TFDP2: variants seen among roughly 807,000 people sequenced by gnomAD.
The protein encoded by TFDP2 is transcription factor Dp-2 (E2F dimerization partner 2).
Under a neutral mutation model 59.3 loss-of-function variants are expected in TFDP2, and 17 were observed. The ratio of observed to expected loss-of-function variants is 0.29; its 90% confidence interval spans 0.20 to 0.43. The LOEUF is 0.43. Among genes scored for constraint, TFDP2 ranks in the 20% least tolerant of loss-of-function variants. The probability of loss-of-function intolerance (pLI) is 1.00; values close to 1 mark genes in which losing one functional copy is unlikely to be tolerated. For missense variants in TFDP2, 391 were observed against 528.8 expected (o/e 0.74, Z 2.56); for synonymous variants, 180 against 194.7 (o/e 0.92, Z 0.63).
intron 1 of TFDP2, among the ~76,000 whole-genome samples, chr3:142,145,033 A>G (rs2063117498): frequency 6.6e-6 from 1 of 152,184 alleles, no homozygotes; most frequent in Non-Finnish European, 1.5e-5. Context: ...ATAGATGTAC[A>G]TTACCTTTTT....
intron 6 of TFDP2, among the ~76,000 whole-genome samples, chr3:141,985,297 G>C (rs1372421683): frequency 6.6e-6 from 1 of 151,994 alleles, no homozygotes; most frequent in Non-Finnish European, 1.5e-5. Flanking sequence ...AGGAGGCCGA[G>C]GCAGGCAGAT....
At chr3:142,011,670 CT>C (rs1219575355) in intron 3 of TFDP2, among the ~76,000 whole-genome samples, 1 of 147,036 alleles carries the variant, frequency 6.8e-6, no homozygotes, top group Non-Finnish European at 1.5e-5. Flanking sequence ...AAAAGGAAAC[CT>C]TTTTGCATAC....
chr3:141,969,188 T>C lies in TFDP2; in HGVS notation c.732+885A>G, dbSNP rs1327519360. Among the ~76,000 whole-genome samples the C allele has an allele frequency of 5.7e-5, 5 of 87,496 alleles. 1 individual carries two copies. 57.4% of individuals were successfully genotyped at this position (87,496 alleles called of 152,430 possible). ...AACATATATATATATCTCATATATA[T>C]GAGATATATATATATAACATATATA... On this transcript the variant is annotated intron_variant, in intron 9 of 12. Transcript: ENST00000489671.
chr3:142,140,061 A>G (rs1325514384), intron 1 of TFDP2, among the ~76,000 whole-genome samples: 1 of 152,006 alleles, frequency 6.6e-6, no homozygotes, highest in East Asian at 1.9e-4. Flanking sequence ...GGCTTTGTTC[A>G]TTTCTTTTTA....
intron 1 of TFDP2, among the ~76,000 whole-genome samples, chr3:142,120,244 C>G (rs1338076991): frequency 6.6e-6 from 1 of 151,706 alleles, no homozygotes; most frequent in Non-Finnish European, 1.5e-5. Flanking sequence ...CGCCTGTAGT[C>G]CCAGCTACTC....
At chr3:141,967,590 G>A (rs1325382246) in intron 9 of TFDP2, among the ~76,000 whole-genome samples, 2 of 152,034 alleles carry the variant, frequency 1.3e-5, no homozygotes, top group African/African-American at 2.4e-5. Flanking sequence ...CACCACATCC[G>A]GCCTTTGGAA....
At chr3:142,045,622 T>A (rs1250692616) in intron 3 of TFDP2, among the ~76,000 whole-genome samples, 3 of 151,300 alleles carry the variant, frequency 2.0e-5, no homozygotes, top group Non-Finnish European at 4.4e-5. Context: ...CTTTTTTTTT[T>A]TTTTTTTTTA....
chr3:142,078,097 G>C (rs145888375), intron 3 of TFDP2, among the ~76,000 whole-genome samples: 27 of 152,288 alleles, frequency 1.8e-4, no homozygotes, highest in African/African-American at 6.0e-4. Context: ...TCTGCCTGTG[G>C]AAAGGGGAGA....
At chr3:142,123,561 C>T (rs1012105981) in intron 1 of TFDP2, among the ~76,000 whole-genome samples, 1 of 152,142 alleles carries the variant, frequency 6.6e-6, no homozygotes, top group African/African-American at 2.4e-5. Flanking sequence ...AGCAACTGCA[C>T]CCGGCCCATT....
At chr3:142,008,184 C>T (rs549875566) in intron 3 of TFDP2, among the ~76,000 whole-genome samples, 348 of 152,050 alleles carry the variant, frequency 2.3e-3, no homozygotes, top group African/African-American at 7.9e-3. Context: ...ACCTGGGCAT[C>T]GGGCCATTAA....
In TFDP2 at chr3:141,961,464, C is replaced by T. The variant is rs547499845; in HGVS notation, c.885-1624G>A. Among the ~76,000 whole-genome samples the T allele has an allele frequency of 5.9e-4, 89 of 151,944 alleles. 1 individual carries two copies. The highest frequency in any genetic ancestry group is 2.1e-3 in the Admixed American group (32 of 15,254). On this transcript the variant is annotated intron_variant, in intron 10 of 12. Transcript: ENST00000489671. ...TTTACCATGTTGGTCAGGTTGGTCT[C>T]GAACTCCTGACCTTATGATCCACCC...
At chr3:141,955,230 C>T (rs924018470) in intron 11 of TFDP2, among the ~76,000 whole-genome samples, 2 of 152,162 alleles carry the variant, frequency 1.3e-5, no homozygotes, top group Non-Finnish European at 2.9e-5. Flanking sequence ...CACAATGGTT[C>T]TCACACTCCC....
intron 6 of TFDP2, among the ~76,000 whole-genome samples, chr3:141,979,138 T>C (rs11569220): frequency 0.074 from 11,325 of 152,244 alleles, 523 homozygotes; most frequent in Non-Finnish European, 0.11. Flanking sequence ...CCAATAAGAT[T>C]ACAATGGAGC....
intron 3 of TFDP2, among the ~76,000 whole-genome samples, chr3:142,067,026 T>TA (rs954879924): frequency 2.0e-5 from 3 of 151,916 alleles, no homozygotes; most frequent in Non-Finnish European, 4.4e-5. Flanking sequence ...AGGGCAGCTA[T>TA]AAAAAAAATC....
intron 3 of TFDP2, among the ~76,000 whole-genome samples, chr3:142,019,221 T>C (rs1211837414): frequency 1.3e-5 from 2 of 151,964 alleles, no homozygotes; most frequent in Admixed American, 1.3e-4. Context: ...TGTGTCACCA[T>C]GCCCAACTAA....
chr3:141,974,715 T>C (rs1940331950), intron 7 of TFDP2, among the ~76,000 whole-genome samples: 1 of 152,082 alleles, frequency 6.6e-6, no homozygotes, highest in Admixed American at 6.6e-5. Flanking sequence ...TGGGAGGATT[T>C]TAGACTTAAA....
chr3:142,107,379 G>A lies in TFDP2; in HGVS notation c.-92-5538C>T, dbSNP rs548719080. ...CCCAAGTAGCTGGAATTACAGGCGC[G>A]TGCCACCACGTCTGGCTAATTTTTT... On this transcript the variant is annotated intron_variant, in intron 1 of 12. Coordinates refer to ENST00000489671, the MANE Select transcript of TFDP2 (RefSeq NM_001178139.2). Among the ~76,000 whole-genome samples the A allele has an allele frequency of 2.0e-4, 31 of 151,680 alleles. 1 individual carries two copies. In the South Asian group the frequency reaches 4.4e-3, roughly 21 times the overall value.
chr3:141,962,788 G>A (rs1937521304), intron 10 of TFDP2, among the ~76,000 whole-genome samples: 1 of 152,220 alleles, frequency 6.6e-6, no homozygotes, highest in South Asian at 2.1e-4. Context: ...AAGCCCAAGG[G>A]CAATGTCAGG....
intron 3 of TFDP2, among the ~76,000 whole-genome samples, chr3:142,079,176 A>T (rs915763635): frequency 6.6e-6 from 1 of 151,934 alleles, no homozygotes; most frequent in African/African-American, 2.4e-5. Context: ...GCTGGCGGGC[A>T]CCTGTAATCC....
Sources: allele counts gnomAD v4.1 joint callset (sites outside exome capture counted in the v4.1 genomes callset), GRCh38; gene constraint gnomAD v4.1.1; transcripts MANE v1.5; gene names NCBI Gene and HGNC (gene_info 2026-07-23, HGNC 2026-07-21).